NCR3LG1: variants seen among roughly 807,000 people sequenced by gnomAD.
NCR3LG1 encodes natural killer cell cytotoxicity receptor 3 ligand 1.
NCR3LG1 carries 35 observed loss-of-function variants against 34.8 expected under a neutral mutation model. That is an observed-to-expected ratio of 1.01 (90% CI 0.77 to 1.33). NCR3LG1 has a LOEUF of 1.33. NCR3LG1 is among the 40% of genes most tolerant of loss of function. NCR3LG1 has a pLI of 0.00. For synonymous variants in NCR3LG1, 173 were observed against 163.6 expected, an observed-to-expected ratio of 1.06 and a Z score of -0.44; for missense variants, 452 against 423.3, an observed-to-expected ratio of 1.07 and a Z score of -0.60.
At position 17,372,566 on chromosome 11, in the gene NCR3LG1, C is replaced by T. The variant is rs1953423966; in HGVS notation, c.*54C>T. On this transcript the variant is annotated 3_prime_UTR_variant, in exon 5 of 5. Coordinates refer to ENST00000338965, the MANE Select transcript of NCR3LG1 (RefSeq NM_001202439.3). ...TCCAAGTTCCCTTTTCATTACAGGA[C>T]CTTGGGCAAATAAGAGGGGACCTGG... The T allele has an allele frequency of 3.2e-6, 2 of 625,472 alleles. No individual in the cohort carries two copies. The highest frequency in any genetic ancestry group is 5.4e-5 in the Admixed American group (2 of 36,888). 38.7% of individuals were successfully genotyped at this position (625,472 alleles called of 1,614,324 possible).
rs1318684285 is a variant in NCR3LG1, at chr11:17,376,813, C to G, written c.*4301C>G. 2 of 152,132 alleles carry G rather than the reference C, an allele frequency of 1.3e-5. No individual in the cohort carries two copies. Among genetic ancestry groups the G allele is most frequent in the African/African-American group, 2.4e-5 (1 of 41,422 alleles). 9.4% of individuals were successfully genotyped at this position (152,132 alleles called of 1,614,324 possible). On this transcript the variant is annotated 3_prime_UTR_variant, in exon 5 of 5. Transcript: ENST00000338965. ...TGGGAGATCTCAAATATTATAACAC[C>G]ATACTTGTAATTGCTGAAAGCTCGG...
intron 1 of NCR3LG1, among the ~76,000 whole-genome samples, chr11:17,353,432 A>G (rs1054857833): frequency 6.6e-6 from 1 of 151,966 alleles, no homozygotes; most frequent in Non-Finnish European, 1.5e-5. Context: ...CGGTCTGGAA[A>G]CGCCTGTCGC....
At chr11:17,380,951 T>A (rs1030388535), downstream of NCR3LG1, 6 of 152,270 alleles carry the variant, frequency 3.9e-5, no homozygotes, top group Admixed American at 3.9e-4. Context: ...GCAGTTAGCC[T>A]ATGGGAAAAT....
chr11:17,356,249 T>C (rs1953203818), intron 1 of NCR3LG1, among the ~76,000 whole-genome samples: 1 of 150,486 alleles, frequency 6.6e-6, no homozygotes, highest in Admixed American at 6.6e-5. Flanking sequence ...GCAATTCTCC[T>C]GCCTTAGCCT....
intron 2 of NCR3LG1, among the ~76,000 whole-genome samples, chr11:17,364,334 A>G (rs1186326954): frequency 1.3e-5 from 2 of 152,048 alleles, no homozygotes; most frequent in African/African-American, 2.4e-5. Flanking sequence ...AGCTGGGACT[A>G]CAGGTGTGCA....
rs1953473012 is a variant in NCR3LG1 at position 17,376,019 on chromosome 11, G to A, written c.*3507G>A. ...AGCATAAGACATCAGTGCATCCAAA[G>A]ATTGTTCTCAGGAGAAAATCTACTA... On this transcript the variant is annotated 3_prime_UTR_variant, in exon 5 of 5. Transcript: ENST00000338965. The A allele has an allele frequency of 6.6e-6, 1 of 152,200 alleles. No homozygotes were observed. Among genetic ancestry groups the A allele is most frequent in the Non-Finnish European group, 1.5e-5 (1 of 68,028 alleles). The allele number at this position is 152,200 out of a possible 1,614,324, so 9.4% of individuals were successfully genotyped here. A position where few individuals can be genotyped will look rare whatever the true frequency, so the allele number is the denominator to read the frequency against.
chr11:17,362,846 A>T (rs1271388266), intron 2 of NCR3LG1, among the ~76,000 whole-genome samples: 77 of 69,292 alleles, frequency 1.1e-3, no homozygotes, highest in African/African-American at 1.2e-3. Context: ...TCATTTCTTC[A>T]TTTCCTTCCT....
chr11:17,362,675 CCTTCCTTCCTTCCTTCCTTT>C lies in NCR3LG1; in HGVS notation c.422-4330_422-4311del, dbSNP rs1358934085. Among the ~76,000 whole-genome samples the C allele has an allele frequency of 1.1e-3, 70 of 63,974 alleles. 1 individual carries two copies. Among genetic ancestry groups the C allele is most frequent in the African/African-American group, 3.7e-3 (37 of 9,990 alleles). 42.0% of individuals were successfully genotyped at this position (63,974 alleles called of 152,430 possible). ...TTTACTAGTTATTGACTCAGTGTCT[CCTTCCTTCCTTCCTTCCTTT>C]CTTTCTTTCTTTCTTTCTTTCTTTC... On this transcript the variant is annotated intron_variant, in intron 2 of 4. Coordinates refer to ENST00000338965, the MANE Select transcript of NCR3LG1 (RefSeq NM_001202439.3).
chr11:17,378,027 G>A (rs1953492275), downstream of NCR3LG1, among the ~76,000 whole-genome samples: 2 of 152,136 alleles, frequency 1.3e-5, no homozygotes, highest in Admixed American at 6.5e-5. Flanking sequence ...GCCTATTCTG[G>A]TTTGCTGGTA....
chr11:17,351,845 G>A lies in NCR3LG1; in HGVS notation c.-125G>A. On this transcript the variant is annotated 5_prime_UTR_variant, in exon 1 of 5. Coordinates refer to ENST00000338965, the MANE Select transcript of NCR3LG1 (RefSeq NM_001202439.3). ...AAGAAGTGGGATGTGCAAAAGCGCC[G>A]GCTGGAAATCCCGGCTGTGTCTCCG... 1.3e-6 allele frequency: 1 copy of A among 758,230 alleles called. No homozygotes were observed. Among genetic ancestry groups the A allele is most frequent in the Non-Finnish European group, 2.2e-6 (1 of 463,472 alleles). 47.0% of individuals were successfully genotyped at this position (758,230 alleles called of 1,614,324 possible).
intron 4 of NCR3LG1, among the ~76,000 whole-genome samples, chr11:17,371,028 C>T (rs1953400213): frequency 6.6e-6 from 1 of 152,198 alleles, no homozygotes; most frequent in African/African-American, 2.4e-5. Context: ...CAGTGATAGA[C>T]ATTCATGGCA....
chr11:17,376,772 G>A lies in NCR3LG1; in HGVS notation c.*4260G>A, dbSNP rs549990056. ...TGCCTCCTCCTGTTTTAAAAGCAGA[G>A]GAAAAGGACCATACCTGGGAGATCT... On this transcript the variant is annotated 3_prime_UTR_variant, in exon 5 of 5. Coordinates refer to ENST00000338965, the MANE Select transcript of NCR3LG1 (RefSeq NM_001202439.3). The A allele has an allele frequency of 6.6e-6, 1 of 152,262 alleles. No individual in the cohort carries two copies. Among genetic ancestry groups the A allele is most frequent in the East Asian group, 1.9e-4 (1 of 5,184 alleles). The allele number at this position is 152,262 out of a possible 1,614,324, so 9.4% of individuals were successfully genotyped here. A position where few individuals can be genotyped will look rare whatever the true frequency, so the allele number is the denominator to read the frequency against.
intron 1 of NCR3LG1, among the ~76,000 whole-genome samples, chr11:17,352,796 C>A (rs1187547525): frequency 6.6e-6 from 1 of 151,676 alleles, no homozygotes; most frequent in East Asian, 1.9e-4. Flanking sequence ...GACCTTCAAA[C>A]GTTCTCTTGC....
intron 2 of NCR3LG1, among the ~76,000 whole-genome samples, chr11:17,364,350 A>G (rs1047996262): frequency 6.6e-6 from 1 of 151,992 alleles, no homozygotes; most frequent in Non-Finnish European, 1.5e-5. Flanking sequence ...GTGCACAACC[A>G]TGCTGGCTAA....
intron 1 of NCR3LG1, among the ~76,000 whole-genome samples, chr11:17,354,598 G>T (rs1179430366): frequency 1.7e-5 from 2 of 119,062 alleles, no homozygotes; most frequent in Non-Finnish European, 3.3e-5. Flanking sequence ...GTTTTTAAGA[G>T]TGACAATACA....
At position 17,356,658 on chromosome 11, in the gene NCR3LG1, G is replaced by T; in HGVS notation, c.78G>T (p.Leu26=). 17 of 1,531,136 alleles carry T rather than the reference G, an allele frequency of 1.1e-5. No individual in the cohort carries two copies. The highest frequency in any genetic ancestry group is 1.5e-5 in the Non-Finnish European group (17 of 1,143,864). 94.8% of individuals were successfully genotyped at this position (1,531,136 alleles called of 1,614,324 possible). A position where few individuals can be genotyped will look rare whatever the true frequency, so the allele number is the denominator to read the frequency against. ...LLWALTTEGD[L]KVEMMAGGTQ... Reference sequence around the variant, plus strand: ...GTCCTCTTATTGCCACAGGTGATCTGAAAGTAGAGATGATGGCAGGGGGGA... The same window carrying T: ...GTCCTCTTATTGCCACAGGTGATCTTAAAGTAGAGATGATGGCAGGGGGGA... Residue 26 remains leucine, a synonymous_variant, in exon 2 of 5, where the codon CTG becomes CTT. Transcript: ENST00000338965.
rs968678876 is a variant in NCR3LG1 at position 17,374,587 on chromosome 11, A to G, written c.*2075A>G. On this transcript the variant is annotated 3_prime_UTR_variant, in exon 5 of 5. Coordinates refer to ENST00000338965, the MANE Select transcript of NCR3LG1 (RefSeq NM_001202439.3). ...TCTATCAGACTTTGGTAAAGTACCT[A>G]GGTCTGGTCTTGTCAGAAGGGAACA... is the stretch of plus-strand genomic sequence containing the variant. The G allele has an allele frequency of 7.2e-6, 1 of 138,312 alleles. No homozygotes were observed. Among genetic ancestry groups the G allele is most frequent in the African/African-American group, 2.5e-5 (1 of 40,496 alleles). 8.6% of individuals were successfully genotyped at this position (138,312 alleles called of 1,614,324 possible).
chr11:17,380,952 A>G (rs765431982), downstream of NCR3LG1: 1 of 152,224 alleles, frequency 6.6e-6, no homozygotes, highest in Non-Finnish European at 1.5e-5. Flanking sequence ...CAGTTAGCCT[A>G]TGGGAAAATT....
At chr11:17,365,592 C>T (rs1453504657) in intron 2 of NCR3LG1, among the ~76,000 whole-genome samples, 1 of 152,164 alleles carries the variant, frequency 6.6e-6, no homozygotes, top group East Asian at 1.9e-4. Flanking sequence ...GACATCTTCC[C>T]TTGAGATGGA....
Sources: allele counts gnomAD v4.1 joint callset (sites outside exome capture counted in the v4.1 genomes callset), GRCh38; gene constraint gnomAD v4.1.1; transcripts MANE v1.5; gene names NCBI Gene and HGNC (gene_info 2026-07-23, HGNC 2026-07-21).